Variants in TMEM144 observed in about 807,000 individuals in gnomAD.
The protein encoded by TMEM144 is transmembrane protein 144.
Under a neutral mutation model 43.6 loss-of-function variants are expected in TMEM144, and 39 were observed. The ratio of observed to expected loss-of-function variants is 0.90; its 90% CI spans 0.69 to 1.17. The LOEUF is 1.17. Among genes scored for constraint, TMEM144 ranks in the 50% most tolerant of loss-of-function variants. The pLI is 0.00. For synonymous variants in TMEM144, 154 were observed against 133.6 expected, an observed-to-expected ratio of 1.15 and a Z score of -1.06; for missense variants, 417 against 411.9, an observed-to-expected ratio of 1.01 and a Z score of -0.11.
intron 6 of TMEM144, among the ~76,000 whole-genome samples, chr4:158,228,436 C>T (rs574804356): frequency 2.6e-5 from 4 of 152,206 alleles, no homozygotes; most frequent in Admixed American, 6.5e-5. Flanking sequence ...GATCAGGCCA[C>T]GCTTCCACTC....
chr4:158,221,435 T>C (rs567326819), intron 6 of TMEM144, among the ~76,000 whole-genome samples: 1 of 152,318 alleles, frequency 6.6e-6, no homozygotes, highest in African/African-American at 2.4e-5. Context: ...TTGGGAAATG[T>C]AATTTTCAGT....
intron 12 of TMEM144, among the ~76,000 whole-genome samples, chr4:158,252,528 T>C (rs1314185358): frequency 2.0e-5 from 3 of 152,168 alleles, no homozygotes; most frequent in African/African-American, 7.2e-5. Context: ...GTCTTTTTAA[T>C]GTCTTCCTCT....
intron 12 of TMEM144, among the ~76,000 whole-genome samples, chr4:158,249,091 G>A (rs1736041435): frequency 6.6e-6 from 1 of 152,116 alleles, no homozygotes; most frequent in Non-Finnish European, 1.5e-5. Context: ...ATTTTTAGTA[G>A]AGACGGGGTT....
Position 158,237,606 on chromosome 4 carries a change from A to G in TMEM144, c.645A>G (p.Lys215=). 6.2e-7 allele frequency: 1 copy of G among 1,613,888 alleles called. No individual in the cohort carries two copies. Among genetic ancestry groups the G allele is most frequent in the Non-Finnish European group, 8.5e-7 (1 of 1,179,860 alleles). The change falls in exon 9 of 13, where the codon AAA becomes AAG. Residue 215 remains lysine (K), a synonymous_variant. Coordinates refer to ENST00000296529, the MANE Select transcript of TMEM144 (RefSeq NM_018342.5). ...TCATCTACATCAAGGACCACAGCAA[A>G]AGAAATGATAGTATATATGCAGGGG... ...VPIIYIKDHS[K]RNDSIYAGAS...
rs144526869 is a variant in TMEM144 at position 158,228,734 on chromosome 4, G to A, written c.414-4167G>A. Among the ~76,000 whole-genome samples, 1,246 of 152,214 alleles carry A rather than the reference G, an allele frequency of 8.2e-3. 13 individuals carry two copies. Among genetic ancestry groups the A allele is most frequent in the African/African-American group, 0.027 (1,117 of 41,554 alleles). ...CCATCTGCCAATCACCTCGCTTCCC[G>A]GTCAGGGAACCAAGAAATGTAGCAG... On this transcript the variant is annotated intron_variant, in intron 6 of 12. Coordinates refer to ENST00000296529, the MANE Select transcript of TMEM144 (RefSeq NM_018342.5).
At position 158,240,299 on chromosome 4, in the gene TMEM144, A is replaced by C; in HGVS notation, c.683A>C (p.Asp228Ala). Reference protein sequence around the residue: ...DSIYAGASQYDLDYVFAHFSG... With the variant: ...DSIYAGASQYALDYVFAHFSG... Reference sequence around the variant, plus strand: ...GAGAGTTTTTAATGTCTATTTTCAGATTTAGACTATGTGTTTGCGCACTTC... The same window carrying C: ...GAGAGTTTTTAATGTCTATTTTCAGCTTTAGACTATGTGTTTGCGCACTTC... Residue 228 changes from aspartate to alanine, a missense_variant and splice_region_variant, in exon 10 of 13, where the codon GAT becomes GCT. Physicochemically the swap from Asp to Ala is moderately radical, Grantham distance 126. Transcript: ENST00000296529. The C allele has an allele frequency of 6.2e-7, 1 of 1,608,504 alleles. No individual in the cohort carries two copies. The highest frequency in any genetic ancestry group is 8.5e-7 in the Non-Finnish European group (1 of 1,178,378).
rs1251082040 is a variant in TMEM144 at position 158,227,314 on chromosome 4, A to C, written c.414-5587A>C. Among the ~76,000 whole-genome samples, 10 of 152,110 alleles carry C rather than the reference A, an allele frequency of 6.6e-5. 1 individual carries two copies. Among genetic ancestry groups the C allele is most frequent in the Admixed American group, 6.5e-4 (10 of 15,268 alleles). On this transcript the variant is annotated intron_variant, in intron 6 of 12. Transcript: ENST00000296529. ...GTTAACAAAGCAGTTGCCGCTACAG[A>C]CTGAATGCATTTGGGCCATCCACGG...
At position 158,253,428 on chromosome 4, in the gene TMEM144, C is replaced by CT; in HGVS notation, c.955-10dup. ...TCAGGCCTTATTCATCACTGTTATTCTTTTTTCTTATTCAGGGTCTACAAA... is the reference window on the plus strand; with the variant it reads ...TCAGGCCTTATTCATCACTGTTATTCTTTTTTTCTTATTCAGGGTCTACAAA... On this transcript the variant is annotated splice_polypyrimidine_tract_variant and intron_variant, in intron 12 of 12. Coordinates refer to ENST00000296529, the MANE Select transcript of TMEM144 (RefSeq NM_018342.5). 6.3e-7 allele frequency: 1 copy of CT among 1,599,584 alleles called. No homozygotes were observed. Among genetic ancestry groups the CT allele is most frequent in the Non-Finnish European group, 8.6e-7 (1 of 1,169,338 alleles).
intron 6 of TMEM144, among the ~76,000 whole-genome samples, chr4:158,220,869 C>A (rs1452584223): frequency 6.6e-6 from 1 of 152,156 alleles, no homozygotes; most frequent in African/African-American, 2.4e-5. Context: ...GAACTCTTCC[C>A]GTAGTGCATC....
intron 6 of TMEM144, among the ~76,000 whole-genome samples, chr4:158,230,205 C>T (rs1735005356): frequency 6.6e-6 from 1 of 152,210 alleles, no homozygotes; most frequent in Non-Finnish European, 1.5e-5. Flanking sequence ...TGCTCACTCA[C>T]CAATTCCCTT....
intron 8 of TMEM144, chr4:158,237,260 C>T (rs760986615): frequency 1.5e-5 from 5 of 334,318 alleles, no homozygotes; most frequent in Non-Finnish European, 2.7e-5. Flanking sequence ...GTAATGACAA[C>T]ATAATTATAA....
intron 6 of TMEM144, among the ~76,000 whole-genome samples, chr4:158,221,452 T>C (rs1253298913): frequency 6.6e-6 from 1 of 152,230 alleles, no homozygotes. Context: ...CAGTCTTCCA[T>C]GCTCCATGGT....
At chr4:158,239,052 C>T (rs1407348591) in intron 9 of TMEM144, among the ~76,000 whole-genome samples, 3 of 152,082 alleles carry the variant, frequency 2.0e-5, no homozygotes, top group Non-Finnish European at 1.5e-5. Flanking sequence ...CTTTGTTTTA[C>T]GATTGAGAAA....
At chr4:158,226,075 G>A (rs969220168) in intron 6 of TMEM144, among the ~76,000 whole-genome samples, 4 of 152,220 alleles carry the variant, frequency 2.6e-5, no homozygotes, top group Non-Finnish European at 5.9e-5. Context: ...TGTTTAACGT[G>A]CAGATGGAAT....
At chr4:158,237,216 T>G (rs573911262) in intron 8 of TMEM144, 1 of 231,078 alleles carries the variant, frequency 4.3e-6, no homozygotes, top group Non-Finnish European at 8.4e-6. Context: ...TTATGTAGAC[T>G]GTACAATATA....
At chr4:158,248,361 A>G (rs1435686264) in intron 12 of TMEM144, among the ~76,000 whole-genome samples, 1 of 152,058 alleles carries the variant, frequency 6.6e-6, no homozygotes, top group Non-Finnish European at 1.5e-5. Flanking sequence ...GAACCTGGAA[A>G]GTGGAGATTG....
intron 6 of TMEM144, among the ~76,000 whole-genome samples, chr4:158,226,374 G>A (rs1311972442): frequency 6.6e-6 from 1 of 152,080 alleles, no homozygotes; most frequent in African/African-American, 2.4e-5. Context: ...TGGTGATTTA[G>A]GAAAAGCCTG....
At chr4:158,222,975 T>C (rs1734581155) in intron 6 of TMEM144, among the ~76,000 whole-genome samples, 2 of 152,266 alleles carry the variant, frequency 1.3e-5, no homozygotes, top group African/African-American at 4.8e-5. Flanking sequence ...TTTAAGTCTG[T>C]AGCCCAAAAC....
intron 8 of TMEM144, 69 bp downstream of exon 8, chr4:158,235,574 T>C (rs1406247882): frequency 1.4e-6 from 2 of 1,450,834 alleles, no homozygotes; most frequent in Non-Finnish European, 1.9e-6. Context: ...ATTACCAGCA[T>C]GAAGTAATGT....
Sources: gnomAD v4.1 joint callset for allele counts (sites outside exome capture counted in the v4.1 genomes callset) on GRCh38, gnomAD v4.1.1 for gene constraint, MANE v1.5 for transcripts, NCBI Gene and HGNC (gene_info 2026-07-23, HGNC 2026-07-21) for gene names.